SUZ12: variants seen among roughly 807,000 people sequenced by gnomAD.
The protein encoded by SUZ12 is polycomb protein SUZ12.
Under a neutral mutation model 87.3 loss-of-function variants are expected in SUZ12, and 17 were observed. That is an observed-to-expected ratio of 0.19 (90% CI 0.13 to 0.29). The LOEUF (loss-of-function observed/expected upper bound fraction) is 0.29. SUZ12 is among the 10% of genes least tolerant of loss of function. SUZ12 has a pLI of 1.00. For missense variants in SUZ12, 526 were observed against 912.2 expected (o/e 0.58, Z 5.45); for synonymous variants, 253 against 312.4 (o/e 0.81, Z 2.01).
intron 4 of SUZ12, among the ~76,000 whole-genome samples, chr17:31,961,556 A>G (rs1225278519): frequency 6.6e-6 from 1 of 152,224 alleles, no homozygotes; most frequent in African/African-American, 2.4e-5. Context: ...ACAAAACAAA[A>G]CAAAAAAAGC....
At chr17:31,948,029 G>A (rs1906734258) in intron 4 of SUZ12, among the ~76,000 whole-genome samples, 1 of 152,000 alleles carries the variant, frequency 6.6e-6, no homozygotes, top group Non-Finnish European at 1.5e-5. Context: ...TATGTGCTAG[G>A]TACTGTGGCA....
At chr17:31,998,132 T>G (rs897140759) in intron 15 of SUZ12, among the ~76,000 whole-genome samples, 4 of 149,422 alleles carry the variant, frequency 2.7e-5, no homozygotes, top group African/African-American at 9.9e-5. Flanking sequence ...CAGGCTGGAG[T>G]GCAGTGGTGT....
At position 31,980,429 on chromosome 17, in the gene SUZ12, C is replaced by CTTTTTTTTTTTTT. The variant is rs58491591; in HGVS notation, c.918-2545_918-2533dup. 3.7e-4 allele frequency among the ~76,000 whole-genome samples: 20 copies of CTTTTTTTTTTTTT among 53,830 alleles called. 4 individuals carry two copies. Among genetic ancestry groups the CTTTTTTTTTTTTT allele is most frequent in the South Asian group, 1.9e-3 (2 of 1,046 alleles). The allele number at this position is 53,830 out of a possible 152,430, so 35.3% of individuals were successfully genotyped here. On this transcript the variant is annotated intron_variant, in intron 8 of 15. Coordinates refer to ENST00000322652, the MANE Select transcript of SUZ12 (RefSeq NM_015355.4). The stretch of plus-strand genomic sequence containing the variant: ...TAAGATATACCAGAATCACCTTCTC[C>CTTTTTTTTTTTTT]TTTTTTTTTTTTTTTTTTTTTTTTT...
intron 4 of SUZ12, among the ~76,000 whole-genome samples, chr17:31,962,285 A>C (rs58906476): frequency 6.6e-6 from 1 of 152,038 alleles, no homozygotes; most frequent in South Asian, 2.1e-4. Flanking sequence ...GAAAAAAAAA[A>C]TAATTGAATT....
chr17:31,943,057 G>A (rs950402490), intron 3 of SUZ12, among the ~76,000 whole-genome samples: 3 of 152,212 alleles, frequency 2.0e-5, no homozygotes, highest in Non-Finnish European at 4.4e-5. Flanking sequence ...GGATTGAATT[G>A]TGAAAATTAT....
intron 11 of SUZ12, 24 bp from the exon 12 acceptor site, chr17:31,993,841 C>CT (rs55811201): frequency 0.17 from 203,864 of 1,205,190 alleles, 4,191 homozygotes; most frequent in Middle Eastern, 0.2. Flanking sequence ...TGGAGATTTG[C>CT]TTTTTTTTTT....
intron 4 of SUZ12, among the ~76,000 whole-genome samples, chr17:31,955,148 T>C (rs2627148): frequency 2.0e-5 from 3 of 151,764 alleles, no homozygotes; most frequent in Admixed American, 6.6e-5. Flanking sequence ...GTCGCTGAGG[T>C]GGCAGTACAG....
chr17:31,958,288 GTCC>G (rs1907485522), intron 4 of SUZ12, among the ~76,000 whole-genome samples: 1 of 151,844 alleles, frequency 6.6e-6, no homozygotes, highest in South Asian at 2.1e-4. Context: ...TGCCCACTTT[GTCC>G]TCCTAAAGTG....
intron 6 of SUZ12, among the ~76,000 whole-genome samples, chr17:31,973,840 T>G (rs565050900): frequency 2.0e-5 from 3 of 152,196 alleles, no homozygotes; most frequent in Admixed American, 6.5e-5. Context: ...AGTGCTGATA[T>G]TCTTCCAAGA....
chr17:31,975,168 A>G (rs1386630562), intron 6 of SUZ12, among the ~76,000 whole-genome samples: 1 of 152,148 alleles, frequency 6.6e-6, no homozygotes, highest in Non-Finnish European at 1.5e-5. Flanking sequence ...CTTACCAGAG[A>G]GATTTAGCAT....
rs1369290636 is a variant in SUZ12, at chr17:31,993,879, C to T, written c.1308C>T (p.Asn436=). 1.2e-6 allele frequency: 2 copies of T among 1,607,618 alleles called. No homozygotes were observed. The highest frequency in any genetic ancestry group is 1.1e-5 in the South Asian group (1 of 89,486). Reference sequence around the variant, plus strand: ...ATTGTTTTTAGTTTCTCTATAACAACAATACAAGGCAACAAACTGAAGCAA... The same window carrying T: ...ATTGTTTTTAGTTTCTCTATAACAATAATACAAGGCAACAAACTGAAGCAA... ...LRIFYQFLYN[N]NTRQQTEARD... Residue 436 remains asparagine, a synonymous_variant, in exon 12 of 16, where the codon AAC becomes AAT. Coordinates refer to ENST00000322652, the MANE Select transcript of SUZ12 (RefSeq NM_015355.4).
intron 14 of SUZ12, 100 bp downstream of exon 14, chr17:31,995,862 T>A (rs504887): frequency 0.14 from 96,534 of 699,464 alleles, 4,977 homozygotes; most frequent in African/African-American, 0.19. Context: ...GAACTTTTTT[T>A]AAAAAAAAAA....
At chr17:31,980,322 T>C (rs1038163725) in intron 8 of SUZ12, among the ~76,000 whole-genome samples, 2 of 151,538 alleles carry the variant, frequency 1.3e-5, no homozygotes, top group African/African-American at 4.8e-5. Flanking sequence ...AATTGTCTCA[T>C]ATTTTGTCAG....
intron 15 of SUZ12, among the ~76,000 whole-genome samples, chr17:31,997,348 G>A (rs1910027365): frequency 6.6e-6 from 1 of 152,014 alleles, no homozygotes; most frequent in Admixed American, 6.6e-5. Flanking sequence ...ACTCTATCAG[G>A]GTTGACTCGT....
rs187062333 is a variant in SUZ12 at position 31,979,439 on chromosome 17, C to T, written c.917+2825C>T. Among the ~76,000 whole-genome samples the T allele has an allele frequency of 2.6e-5, 4 of 152,298 alleles. No individual in the cohort carries two copies. The East Asian group carries it at 5.8e-4, about 22-fold the overall frequency. ...TCCTTTATAATTTGTCCTGTCCCCA[C>T]CCCGATTCCATAGCTAGATGTCATA... is the stretch of plus-strand genomic sequence containing the variant. On this transcript the variant is annotated intron_variant, in intron 8 of 15. Coordinates refer to ENST00000322652, the MANE Select transcript of SUZ12 (RefSeq NM_015355.4).
chr17:31,992,390 G>A (rs1048552050), intron 10 of SUZ12, among the ~76,000 whole-genome samples: 1 of 152,066 alleles, frequency 6.6e-6, no homozygotes, highest in African/African-American at 2.4e-5. Context: ...TTAGGACATA[G>A]GAGGTGGTTT....
At chr17:31,988,023 T>A (rs1909505476) in intron 9 of SUZ12, among the ~76,000 whole-genome samples, 1 of 152,202 alleles carries the variant, frequency 6.6e-6, no homozygotes, top group African/African-American at 2.4e-5. Flanking sequence ...CTGACCTATT[T>A]GGAAAAATCT....
chr17:31,941,246 G>A (rs1456999210), intron 3 of SUZ12, among the ~76,000 whole-genome samples: 1 of 148,700 alleles, frequency 6.7e-6, no homozygotes, highest in Non-Finnish European at 1.5e-5. Flanking sequence ...TTTTATTGTT[G>A]TTGTTGTTTT....
Position 31,999,579 on chromosome 17 carries a change from A to C in SUZ12, c.*576A>C, listed in dbSNP as rs1910154767. On this transcript the variant is annotated 3_prime_UTR_variant, in exon 16 of 16. Transcript: ENST00000322652. ...AAAAATTATAATGTAATTTTACATT[A>C]CATAAGTTCCTTTTACAATTAAAAA... is the stretch of plus-strand genomic sequence containing the variant. 1 of 231,400 alleles carries C rather than the reference A, an allele frequency of 4.3e-6. No individual in the cohort carries two copies. Among genetic ancestry groups the C allele is most frequent in the Admixed American group, 5.6e-5 (1 of 17,740 alleles). 14.3% of individuals were successfully genotyped at this position (231,400 alleles called of 1,614,324 possible).
Sources: gnomAD v4.1 joint callset for allele counts (sites outside exome capture counted in the v4.1 genomes callset) on GRCh38, gnomAD v4.1.1 for gene constraint, MANE v1.5 for transcripts, NCBI Gene and HGNC (gene_info 2026-07-23, HGNC 2026-07-21) for gene names.